TFEC: variants seen among roughly 807,000 people sequenced by gnomAD.
TFEC encodes the protein transcription factor EC.
TFEC carries 31 observed loss-of-function variants against 41.6 expected under a neutral mutation model. The observed-to-expected ratio is 0.74, with a 90% CI of 0.56 to 1.01. TFEC has a LOEUF of 1.01. TFEC is among the 50% of genes least tolerant of loss of function. TFEC has a pLI of 0.00. For synonymous variants in TFEC, 143 were observed against 140.6 expected (o/e 1.02, Z -0.12); for missense variants, 402 against 404.1 (o/e 0.99, Z 0.04).
In TFEC at chr7:115,984,489, C is replaced by A. The variant is rs1396108692; in HGVS notation, c.-48G>T. On this transcript the variant is annotated 5_prime_UTR_variant, in exon 2 of 8. Coordinates refer to ENST00000265440, the MANE Select transcript of TFEC (RefSeq NM_012252.4). ...TGGGCTTTCTGTAGCTGAGGCCTTG[C>A]AGAACTTTCCAGGTGTGCTGGGACC... 3 of 1,613,976 alleles carry A rather than the reference C, an allele frequency of 1.9e-6. No individual in the cohort carries two copies. The highest frequency in any genetic ancestry group is 2.5e-6 in the Non-Finnish European group (3 of 1,179,946).
At chr7:116,109,584 G>A (rs1362170485) in intron 3 of TFEC, among the ~76,000 whole-genome samples, 3 of 152,192 alleles carry the variant, frequency 2.0e-5, no homozygotes, top group Non-Finnish European at 4.4e-5. Flanking sequence ...GACAGATGCT[G>A]GAGAGGATGT....
At chr7:115,973,850 T>C (rs1320933523) in intron 3 of TFEC, among the ~76,000 whole-genome samples, 2 of 152,034 alleles carry the variant, frequency 1.3e-5, no homozygotes, top group Non-Finnish European at 2.9e-5. Flanking sequence ...TTAAGAGTGT[T>C]TGATTACTTG....
intron 1 of TFEC, chr7:116,157,358 G>T (rs1016144283): frequency 6.8e-4 from 102 of 150,458 alleles, no homozygotes; most frequent in African/African-American, 2.4e-3. Context: ...AGTTAACATG[G>T]TCCTAGATGT....
chr7:116,110,588 G>A, intron 3 of TFEC: 1 of 650,880 alleles, frequency 1.5e-6, no homozygotes, highest in Non-Finnish European at 2.2e-6. Flanking sequence ...AGGAAGCCCT[G>A]GGTTTTTATT....
chr7:116,046,943 C>A (rs548429358), intron 3 of TFEC, among the ~76,000 whole-genome samples: 1 of 152,132 alleles, frequency 6.6e-6, no homozygotes, highest in South Asian at 2.1e-4. Context: ...GGGAGAATAC[C>A]ATTTTATTAC....
At chr7:116,018,947 A>C (rs1402307326) in intron 1 of TFEC, among the ~76,000 whole-genome samples, 1 of 152,182 alleles carries the variant, frequency 6.6e-6, no homozygotes, top group African/African-American at 2.4e-5. Context: ...ATGGATGGTT[A>C]GGTAAAGCAG....
intron 1 of TFEC, among the ~76,000 whole-genome samples, chr7:115,998,960 A>G (rs2130763642): frequency 6.6e-6 from 1 of 152,162 alleles, no homozygotes; most frequent in Middle Eastern, 3.4e-3. Flanking sequence ...CATCAGACTT[A>G]ATCTGAACTA....
At chr7:115,980,013 T>C (rs1205080982) in intron 2 of TFEC, among the ~76,000 whole-genome samples, 1 of 152,230 alleles carries the variant, frequency 6.6e-6, no homozygotes, top group African/African-American at 2.4e-5. Context: ...GATACTTTTG[T>C]ACTCAAAAAC....
intron 2 of TFEC, among the ~76,000 whole-genome samples, chr7:115,975,901 C>T (rs902970658): frequency 1.3e-5 from 2 of 151,980 alleles, no homozygotes; most frequent in African/African-American, 2.4e-5. Context: ...AAGGCAAGAG[C>T]GGTTAGAGAT....
intron 1 of TFEC, among the ~76,000 whole-genome samples, chr7:116,122,341 A>G (rs1391483141): frequency 6.6e-6 from 1 of 152,040 alleles, no homozygotes; most frequent in African/African-American, 2.4e-5. Flanking sequence ...CTCAAAAAGC[A>G]TTTTCCTATG....
At chr7:116,121,493 TGA>T (rs1468408582) in intron 1 of TFEC, 1 of 152,000 alleles carries the variant, frequency 6.6e-6, no homozygotes, top group Admixed American at 6.6e-5. Context: ...TGATGATGGT[TGA>T]CATCATTGTG....
At chr7:116,023,083 C>CAAA (rs10714429) in intron 1 of TFEC, among the ~76,000 whole-genome samples, 1 of 135,156 alleles carries the variant, frequency 7.4e-6, no homozygotes, top group Non-Finnish European at 1.6e-5. Context: ...GTTCTTCCAG[C>CAAA]AAAAAAAAAA....
intron 1 of TFEC, among the ~76,000 whole-genome samples, chr7:116,144,409 T>C (rs536936794): frequency 3.3e-5 from 5 of 152,328 alleles, no homozygotes; most frequent in African/African-American, 4.8e-5. Context: ...GATTTGTGAT[T>C]GTTAATTTTT....
intron 3 of TFEC, among the ~76,000 whole-genome samples, chr7:116,091,233 A>G (rs971542589): frequency 3.3e-5 from 5 of 152,252 alleles, no homozygotes; most frequent in African/African-American, 1.2e-4. Context: ...AATTGGTAAT[A>G]TAATTCAGAA....
At chr7:115,976,956 G>T (rs1793410532) in intron 2 of TFEC, among the ~76,000 whole-genome samples, 1 of 152,134 alleles carries the variant, frequency 6.6e-6, no homozygotes, top group Non-Finnish European at 1.5e-5. Context: ...TGTTACATGA[G>T]AAACATCCTC....
chr7:116,056,455 G>C (rs370811811), intron 3 of TFEC, among the ~76,000 whole-genome samples: 1 of 152,090 alleles, frequency 6.6e-6, no homozygotes, highest in Admixed American at 6.6e-5. Flanking sequence ...GGAAAATACT[G>C]AAGGACAGAA....
chr7:116,132,819 A>T (rs1333551387), intron 1 of TFEC, among the ~76,000 whole-genome samples: 1 of 152,202 alleles, frequency 6.6e-6, no homozygotes, highest in Non-Finnish European at 1.5e-5. Flanking sequence ...AAAAAGTGAG[A>T]AATCTTTTCC....
chr7:116,013,707 A>G (rs1247580294), intron 1 of TFEC, among the ~76,000 whole-genome samples: 1 of 152,128 alleles, frequency 6.6e-6, no homozygotes, highest in African/African-American at 2.4e-5. Flanking sequence ...AGTATAATGA[A>G]ATTTAAATCC....
intron 5 of TFEC, among the ~76,000 whole-genome samples, chr7:115,953,447 G>C (rs181754402): frequency 3.3e-5 from 5 of 152,116 alleles, no homozygotes; most frequent in African/African-American, 9.6e-5. Flanking sequence ...TGTAGCAGGT[G>C]TATCTAGATT....
Sources: allele counts gnomAD v4.1 joint callset (sites outside exome capture counted in the v4.1 genomes callset), GRCh38; gene constraint gnomAD v4.1.1; transcripts MANE v1.5; gene names NCBI Gene and HGNC (gene_info 2026-07-23, HGNC 2026-07-21).